CNTN5: variants seen among roughly 807,000 people sequenced by gnomAD.
The protein encoded by CNTN5 is contactin-5.
In CNTN5, 77 loss-of-function variants were observed where a neutral mutation model predicts 129.1. That is an observed-to-expected ratio of 0.60 (90% CI 0.50 to 0.72). CNTN5 has a LOEUF of 0.72. CNTN5 is among the 30% of genes least tolerant of loss of function. The probability of loss-of-function intolerance (pLI) is 0.00; values close to 1 mark genes in which losing one functional copy is unlikely to be tolerated. For synonymous variants in CNTN5, 509 were observed against 465.6 expected (o/e 1.09, Z -1.20); for missense variants, 1,478 against 1,328.8 (o/e 1.11, Z -1.75).
chr11:99,323,219 A>G (rs748838805), intron 1 of CNTN5, among the ~76,000 whole-genome samples: 4 of 152,144 alleles, frequency 2.6e-5, no homozygotes, highest in Non-Finnish European at 5.9e-5. Flanking sequence ...AGAAATGCTA[A>G]ATAAGTGTTT....
intron 1 of CNTN5, among the ~76,000 whole-genome samples, chr11:99,237,248 G>T (rs539998199): frequency 4.1e-4 from 62 of 151,990 alleles, no homozygotes; most frequent in African/African-American, 1.4e-3. Context: ...CCTTCATTTT[G>T]TGTAATAATC....
chr11:99,361,973 G>A (rs1196024880), intron 2 of CNTN5, among the ~76,000 whole-genome samples: 2 of 151,958 alleles, frequency 1.3e-5, no homozygotes, highest in African/African-American at 4.8e-5. Context: ...ATCTGTTTGT[G>A]CTTCTGCTTT....
chr11:99,480,530 G>T (rs932932746), intron 2 of CNTN5, among the ~76,000 whole-genome samples: 1 of 152,164 alleles, frequency 6.6e-6, no homozygotes, highest in Non-Finnish European at 1.5e-5. Flanking sequence ...GAATAATTAT[G>T]AACATCATAT....
intron 1 of CNTN5, among the ~76,000 whole-genome samples, chr11:99,179,952 A>G (rs1857967983): frequency 6.6e-6 from 1 of 152,154 alleles, no homozygotes; most frequent in South Asian, 2.1e-4. Flanking sequence ...TAGTTACTGT[A>G]TTCAAAATAT....
At chr11:99,069,164 A>G (rs1591137988) in intron 1 of CNTN5, among the ~76,000 whole-genome samples, 1 of 152,128 alleles carries the variant, frequency 6.6e-6, no homozygotes, top group East Asian at 1.9e-4. Flanking sequence ...TCCTCTGGAA[A>G]ATGAGGTGTT....
At chr11:100,082,450 G>GC (rs879604105) in intron 13 of CNTN5, among the ~76,000 whole-genome samples, 5 of 151,944 alleles carry the variant, frequency 3.3e-5, no homozygotes, top group Non-Finnish European at 7.4e-5. Flanking sequence ...ACCATGCCTG[G>GC]AAAATTTTTT....
rs189722469 is a variant in CNTN5, at chr11:99,129,365, G to A, written c.-210+108095G>A. Among the ~76,000 whole-genome samples the A allele has an allele frequency of 3.3e-5, 5 of 152,176 alleles. No homozygotes were observed. The East Asian group carries it at 9.7e-4, about 29-fold the overall frequency. ...GAAGAGAGACTATCACAGCTTGAAG[G>A]CCATCTTGCTGAAATAAGGCAGGAA... On this transcript the variant is annotated intron_variant, in intron 1 of 24. Coordinates refer to ENST00000524871, the MANE Select transcript of CNTN5 (RefSeq NM_014361.4).
intron 3 of CNTN5, among the ~76,000 whole-genome samples, chr11:99,699,334 T>G (rs995096121): frequency 1.8e-4 from 27 of 151,490 alleles, no homozygotes; most frequent in Admixed American, 1.5e-3. Flanking sequence ...CTAAAAAACT[T>G]TTTAAAAAAT....
chr11:99,163,635 CTG>C (rs1406273612), intron 1 of CNTN5, among the ~76,000 whole-genome samples: 3 of 152,066 alleles, frequency 2.0e-5, no homozygotes, highest in African/African-American at 7.2e-5. Flanking sequence ...GATGAATAAA[CTG>C]AAACTTATTT....
intron 3 of CNTN5, among the ~76,000 whole-genome samples, chr11:99,660,724 A>T (rs1247684422): frequency 6.6e-6 from 1 of 152,120 alleles, no homozygotes; most frequent in Non-Finnish European, 1.5e-5. Context: ...CCAATGTAAC[A>T]TATTTATTCT....
chr11:99,619,932 A>C (rs1417678679), intron 3 of CNTN5, among the ~76,000 whole-genome samples: 1 of 148,464 alleles, frequency 6.7e-6, no homozygotes, highest in Non-Finnish European at 1.5e-5. Flanking sequence ...AGGCTGAGGC[A>C]GGAGAATGGC....
At chr11:99,140,959 T>G (rs1819955615) in intron 1 of CNTN5, among the ~76,000 whole-genome samples, 1 of 152,052 alleles carries the variant, frequency 6.6e-6, no homozygotes, top group Non-Finnish European at 1.5e-5. Flanking sequence ...GAAGTTTTGT[T>G]TTTCTGTTGT....
intron 2 of CNTN5, among the ~76,000 whole-genome samples, chr11:99,388,715 T>C (rs972016586): frequency 4.6e-5 from 7 of 152,168 alleles, no homozygotes; most frequent in Admixed American, 1.3e-4. Flanking sequence ...CCTGCTACTA[T>C]ACATACAGAT....
intron 1 of CNTN5, among the ~76,000 whole-genome samples, chr11:99,134,491 C>T (rs887413433): frequency 3.3e-5 from 5 of 152,006 alleles, no homozygotes; most frequent in African/African-American, 1.2e-4. Flanking sequence ...AAGGCTATTT[C>T]AGATGTCAGT....
chr11:99,339,638 C>T (rs923590485), intron 2 of CNTN5, among the ~76,000 whole-genome samples: 13 of 151,912 alleles, frequency 8.6e-5, no homozygotes, highest in Non-Finnish European at 1.2e-4. Flanking sequence ...AAAAATTAGC[C>T]GGGTGTGGTG....
intron 3 of CNTN5, among the ~76,000 whole-genome samples, chr11:99,628,245 A>G (rs1335774675): frequency 6.6e-6 from 1 of 151,948 alleles, no homozygotes; most frequent in Non-Finnish European, 1.5e-5. Flanking sequence ...TAGGGTAAAC[A>G]TTTGACCCAT....
chr11:99,656,183 T>C (rs1165324035), intron 3 of CNTN5, among the ~76,000 whole-genome samples: 1 of 152,036 alleles, frequency 6.6e-6, no homozygotes, highest in African/African-American at 2.4e-5. Flanking sequence ...ATCCTACCTC[T>C]TTAACCTCTT....
At chr11:100,312,022 C>T (rs568568874) in intron 21 of CNTN5, among the ~76,000 whole-genome samples, 7 of 152,072 alleles carry the variant, frequency 4.6e-5, no homozygotes, top group East Asian at 3.9e-4. Context: ...AATAAATCAA[C>T]GAAAATTCTG....
intron 8 of CNTN5, among the ~76,000 whole-genome samples, chr11:99,959,174 T>C (rs1950878675): frequency 6.6e-6 from 1 of 152,178 alleles, no homozygotes; most frequent in Non-Finnish European, 1.5e-5. Context: ...GCCTTGAGAT[T>C]CTGAAAGCTA....
Sources: gnomAD v4.1 joint callset for allele counts (sites outside exome capture counted in the v4.1 genomes callset) on GRCh38, gnomAD v4.1.1 for gene constraint, MANE v1.5 for transcripts, NCBI Gene and HGNC (gene_info 2026-07-23, HGNC 2026-07-21) for gene names.